Variants in PRKG1 observed in about 807,000 individuals in gnomAD.
The protein encoded by PRKG1 is protein kinase cGMP-dependent 1, also known as cGMP-dependent protein kinase 1.
In PRKG1, 35 loss-of-function variants were observed where a neutral mutation model predicts 88.1. The observed-to-expected ratio is 0.40, with a 90% CI of 0.30 to 0.53. The LOEUF is 0.53. PRKG1 is among the 20% of genes least tolerant of loss of function. The pLI is 0.59. For missense variants in PRKG1, 540 were observed against 839.8 expected, an observed-to-expected ratio of 0.64 and a Z score of 4.41; for synonymous variants, 303 against 292.5, an observed-to-expected ratio of 1.04 and a Z score of -0.37.
chr10:52,283,944 C>A (rs963431648), intron 14 of PRKG1, among the ~76,000 whole-genome samples: 1 of 151,858 alleles, frequency 6.6e-6, no homozygotes, highest in Non-Finnish European at 1.5e-5. Flanking sequence ...TTAAACATGA[C>A]AACTTATATT....
At chr10:51,793,575 AGACTACTGTAAGACATAATCAAACT>A (rs1168945608) in intron 3 of PRKG1, among the ~76,000 whole-genome samples, 1 of 152,112 alleles carries the variant, frequency 6.6e-6, no homozygotes, top group African/African-American at 2.4e-5. Flanking sequence ...AAGCCAAATA[AGACTACTGTAAGACATAATCAAACT>A]GACAAAAATC....
intron 3 of PRKG1, among the ~76,000 whole-genome samples, chr10:51,728,521 G>A (rs563492609): frequency 1.4e-5 from 2 of 138,210 alleles, no homozygotes; most frequent in East Asian, 4.5e-4. Context: ...CTCAAGGAAT[G>A]CACAGGCTAT....
chr10:51,227,800 G>A lies in PRKG1; in HGVS notation c.478+74470G>A, dbSNP rs543551609. On this transcript the variant is annotated intron_variant, in intron 2 of 17. Coordinates refer to ENST00000373980, the MANE Select transcript of PRKG1 (RefSeq NM_006258.4). ...AAGCATCCCTGTGACTGGGGCATAA[G>A]GTGTGGCAGGGATGAGAGGGCAAGA... 2.4e-4 allele frequency among the ~76,000 whole-genome samples: 37 copies of A among 152,318 alleles called. No homozygotes were observed. The East Asian group carries it at 7.1e-3, about 29-fold the overall frequency.
At chr10:51,673,547 A>G (rs887472480) in intron 3 of PRKG1, among the ~76,000 whole-genome samples, 32 of 152,156 alleles carry the variant, frequency 2.1e-4, no homozygotes, top group Non-Finnish European at 5.9e-5. Context: ...AAGTATTTTT[A>G]TTTTACACTA....
intron 3 of PRKG1, among the ~76,000 whole-genome samples, chr10:51,641,144 A>T (rs1336204724): frequency 2.0e-5 from 3 of 151,988 alleles, no homozygotes; most frequent in Admixed American, 1.3e-4. Context: ...TTCCAAGATT[A>T]AAAAAAATTA....
At chr10:51,689,547 A>G (rs1236517230) in intron 3 of PRKG1, among the ~76,000 whole-genome samples, 1 of 152,220 alleles carries the variant, frequency 6.6e-6, no homozygotes, top group Non-Finnish European at 1.5e-5. Context: ...GTTGGAGAAT[A>G]TGGATTAATC....
intron 3 of PRKG1, among the ~76,000 whole-genome samples, chr10:51,758,853 C>A (rs528012072): frequency 5.2e-4 from 78 of 149,372 alleles, no homozygotes; most frequent in African/African-American, 1.8e-3. Context: ...TCTTCCCCCC[C>A]ACCCCCCGAC....
intron 7 of PRKG1, among the ~76,000 whole-genome samples, chr10:52,069,531 AAAAC>A (rs143986129): frequency 1.3e-5 from 2 of 151,996 alleles, no homozygotes; most frequent in South Asian, 4.1e-4. Context: ...CTCCATCTCA[AAAAC>A]AAAAAAGAAA....
At chr10:52,010,390 G>A (rs893349222) in intron 5 of PRKG1, among the ~76,000 whole-genome samples, 1 of 151,980 alleles carries the variant, frequency 6.6e-6, no homozygotes, top group African/African-American at 2.4e-5. Context: ...AGAAAACAAA[G>A]GATATAAACA....
chr10:51,431,012 G>A (rs975060328), intron 2 of PRKG1, among the ~76,000 whole-genome samples: 2 of 152,126 alleles, frequency 1.3e-5, no homozygotes, highest in African/African-American at 4.8e-5. Flanking sequence ...GGATTGTTGT[G>A]GTTGCACAAT....
intron 3 of PRKG1, among the ~76,000 whole-genome samples, chr10:51,516,685 A>T (rs1208042901): frequency 1.3e-5 from 2 of 152,306 alleles, no homozygotes; most frequent in Admixed American, 1.3e-4. Flanking sequence ...GGACTGAAAC[A>T]CCTTCTAGCT....
At chr10:51,608,293 G>A (rs1257420273) in intron 3 of PRKG1, among the ~76,000 whole-genome samples, 1 of 152,166 alleles carries the variant, frequency 6.6e-6, no homozygotes, top group Non-Finnish European at 1.5e-5. Context: ...ATGAGGAGAC[G>A]GAAGGAAACC....
chr10:51,058,704 T>C (rs1293829737), intron 1 of PRKG1, among the ~76,000 whole-genome samples: 2 of 152,298 alleles, frequency 1.3e-5, no homozygotes, highest in Non-Finnish European at 2.9e-5. Context: ...GCTTTCTCTT[T>C]CTTGTTTATG....
chr10:51,905,639 A>C (rs1439565144), intron 4 of PRKG1, among the ~76,000 whole-genome samples: 1 of 152,122 alleles, frequency 6.6e-6, no homozygotes, highest in Non-Finnish European at 1.5e-5. Context: ...TTTTGCATAA[A>C]GTAAGTTTTA....
intron 9 of PRKG1, among the ~76,000 whole-genome samples, chr10:52,191,986 C>T (rs1839375075): frequency 6.6e-6 from 1 of 152,034 alleles, no homozygotes; most frequent in South Asian, 2.1e-4. Flanking sequence ...ATGATAAATG[C>T]TGTTTATTCT....
chr10:51,698,539 T>C (rs747979068), intron 3 of PRKG1: 40 of 1,613,978 alleles, frequency 2.5e-5, no homozygotes, highest in Non-Finnish European at 3.4e-5. Flanking sequence ...TCCCTCCACG[T>C]GGGTCATTTG....
chr10:52,093,261 C>G (rs921569819), intron 7 of PRKG1, among the ~76,000 whole-genome samples: 2 of 152,028 alleles, frequency 1.3e-5, no homozygotes, highest in East Asian at 3.8e-4. Flanking sequence ...TTTAAGCTGT[C>G]TTAATAGAAA....
chr10:51,356,521 C>G (rs1842369894), intron 2 of PRKG1, among the ~76,000 whole-genome samples: 1 of 152,004 alleles, frequency 6.6e-6, no homozygotes, highest in African/African-American at 2.4e-5. Context: ...AGATGCTGCA[C>G]TTTCATGTCT....
At chr10:51,453,191 C>A (rs1839488650) in intron 2 of PRKG1, among the ~76,000 whole-genome samples, 1 of 151,940 alleles carries the variant, frequency 6.6e-6, no homozygotes. Flanking sequence ...TTCTCTTCTT[C>A]ATTAATCTCA....
Sources: gnomAD v4.1 joint callset for allele counts (sites outside exome capture counted in the v4.1 genomes callset) on GRCh38, gnomAD v4.1.1 for gene constraint, MANE v1.5 for transcripts, NCBI Gene and HGNC (gene_info 2026-07-23, HGNC 2026-07-21) for gene names.